The following SPACA1 variants were observed in gnomAD, a reference collection of about 807,000 sequenced individuals.
The protein encoded by SPACA1 is sperm acrosome membrane-associated protein 1.
Under a neutral mutation model 32.6 loss-of-function variants are expected in SPACA1, and 17 were observed. That is an observed-to-expected ratio of 0.52 (90% CI 0.36 to 0.78). SPACA1 has a LOEUF of 0.78. Among genes scored for constraint, SPACA1 ranks in the 30% least tolerant of loss-of-function variants. SPACA1 has a pLI of 0.01. For synonymous variants in SPACA1, 140 were observed against 138.1 expected (o/e 1.01, Z -0.10); for missense variants, 363 against 373.4 (o/e 0.97, Z 0.23).
At chr6:88,048,491 G>T (rs1160061852) in intron 1 of SPACA1, among the ~76,000 whole-genome samples, 1 of 151,376 alleles carries the variant, frequency 6.6e-6, no homozygotes, top group Non-Finnish European at 1.5e-5. Flanking sequence ...GTTCCAAGTT[G>T]CTTGATTTCC....
intron 1 of SPACA1, among the ~76,000 whole-genome samples, chr6:88,052,355 C>T (rs546182673): frequency 3.2e-4 from 48 of 152,156 alleles, no homozygotes; most frequent in African/African-American, 8.4e-4. Context: ...TTCTCTTAGC[C>T]GTGTTTTCTA....
At chr6:88,058,458 GA>G (rs1775842312) in intron 3 of SPACA1, among the ~76,000 whole-genome samples, 1 of 152,086 alleles carries the variant, frequency 6.6e-6, no homozygotes, top group African/African-American at 2.4e-5. Context: ...GCAACATGGT[GA>G]AACCTCCATC....
intron 2 of SPACA1, 130 bp downstream of exon 2, chr6:88,054,132 C>A (rs2127799051): frequency 3.0e-6 from 2 of 663,498 alleles, no homozygotes; most frequent in South Asian, 2.4e-5. Flanking sequence ...TTTCTAATAA[C>A]TATAATGTAT....
Position 88,064,171 on chromosome 6 carries a change from T to C in SPACA1, c.683T>C (p.Ile228Thr), listed in dbSNP as rs754716463. Residue 228 changes from isoleucine to threonine, a missense_variant, in exon 6 of 7, where the codon ATT (isoleucine) becomes ACT (threonine). Transcript: ENST00000237201. ...ALIFVLTIGV[I>T]ICVFIIFLLI... ...ATTTTTGTGCTGACCATAGGAGTCATTATCTGTGTATTTATAATTTTCTTA... is the reference window on the plus strand; with the variant it reads ...ATTTTTGTGCTGACCATAGGAGTCACTATCTGTGTATTTATAATTTTCTTA... 5.1e-5 allele frequency: 83 copies of C among 1,613,044 alleles called. No homozygotes were observed. The highest frequency in any genetic ancestry group is 2.7e-4 in the South Asian group (25 of 90,956).
intron 2 of SPACA1, 144 bp from the exon 3 acceptor site, chr6:88,057,468 T>A (rs1038063461): frequency 3.6e-6 from 2 of 555,258 alleles, no homozygotes; most frequent in Non-Finnish European, 3.2e-6. Context: ...GCCAAAAAAA[T>A]TTTAAGTGTT....
intron 1 of SPACA1, 23 bp from the exon 2 acceptor site, chr6:88,053,923 G>C: frequency 1.2e-6 from 2 of 1,602,228 alleles, no homozygotes; most frequent in East Asian, 2.2e-5. Context: ...ATTAAATAAT[G>C]TATCTTTACC....
intron 4 of SPACA1, among the ~76,000 whole-genome samples, chr6:88,059,139 G>T (rs929249172): frequency 6.6e-6 from 1 of 152,148 alleles, no homozygotes; most frequent in Non-Finnish European, 1.5e-5. Flanking sequence ...TTAATTAAGG[G>T]TTTATTAAGT....
upstream of SPACA1, chr6:88,047,814 T>C (rs1321457254): frequency 2.4e-6 from 3 of 1,274,496 alleles, no homozygotes; most frequent in South Asian, 1.5e-5. Context: ...GCCGGGCGGC[T>C]ACGGGCGGGG....
chr6:88,047,282 T>G (rs1362933214), upstream of SPACA1, among the ~76,000 whole-genome samples: 2 of 152,198 alleles, frequency 1.3e-5, no homozygotes, highest in Admixed American at 1.3e-4. Flanking sequence ...CTTAATCTCT[T>G]CACTTAAAAA....
At chr6:88,056,251 G>A (rs1775805448) in intron 2 of SPACA1, among the ~76,000 whole-genome samples, 1 of 152,086 alleles carries the variant, frequency 6.6e-6, no homozygotes, top group African/African-American at 2.4e-5. Flanking sequence ...CTATTCAGGA[G>A]GCTGAGGCAG....
chr6:88,065,195 A>G (rs1252750926), intron 6 of SPACA1, among the ~76,000 whole-genome samples: 1 of 148,806 alleles, frequency 6.7e-6, no homozygotes, highest in African/African-American at 2.4e-5. Flanking sequence ...TTATGTATAT[A>G]CATACATATA....
chr6:88,054,732 G>A (rs577338211), intron 2 of SPACA1, among the ~76,000 whole-genome samples: 6 of 152,302 alleles, frequency 3.9e-5, no homozygotes, highest in African/African-American at 1.4e-4. Context: ...TTCAGATCTA[G>A]ATCAGAATGA....
At position 88,064,111 on chromosome 6, in the gene SPACA1, G is replaced by C. The variant is rs977932327; in HGVS notation, c.623G>C (p.Arg208Thr). Reference sequence around the variant, plus strand: ...GTGTTTTCTCTAGAATTGCAGATGAGAAGATCAAGCCTACCAGCCACTGAT... The same window carrying C: ...GTGTTTTCTCTAGAATTGCAGATGACAAGATCAAGCCTACCAGCCACTGAT... ...TVYTSSELQMRRSSLPATDAA... is the reference protein window; with the variant it reads ...TVYTSSELQMTRSSLPATDAA... The change falls in exon 6 of 7, where the codon AGA (arginine) becomes ACA (threonine). Residue 208 changes from arginine to threonine, a missense_variant. Physicochemically the swap from Arg to Thr is moderately conservative, Grantham distance 71. Coordinates refer to ENST00000237201, the MANE Select transcript of SPACA1 (RefSeq NM_030960.3). 34 of 1,612,926 alleles carry C rather than the reference G, an allele frequency of 2.1e-5. No individual in the cohort carries two copies. The highest frequency in any genetic ancestry group is 2.9e-5 in the Non-Finnish European group (34 of 1,179,478).
At chr6:88,047,675 G>T, upstream of SPACA1, 1 of 510,804 alleles carries the variant, frequency 2.0e-6, no homozygotes, top group South Asian at 3.2e-5. Context: ...GGGACTTGTC[G>T]CACGCGGCTT....
intron 5 of SPACA1, among the ~76,000 whole-genome samples, chr6:88,063,344 T>C (rs1651709610): frequency 1.3e-5 from 2 of 152,126 alleles, no homozygotes; most frequent in Non-Finnish European, 1.5e-5. Flanking sequence ...AGTAAACAAA[T>C]TGTGGAGTAT....
chr6:88,061,096 A>C (rs1271928942), intron 5 of SPACA1, among the ~76,000 whole-genome samples: 1 of 152,244 alleles, frequency 6.6e-6, no homozygotes, highest in African/African-American at 2.4e-5. Flanking sequence ...ATTAGAAATC[A>C]AACAAATGTT....
chr6:88,058,966 A>T, intron 4 of SPACA1, 144 bp downstream of exon 4: 1 of 563,008 alleles, frequency 1.8e-6, no homozygotes, highest in Non-Finnish European at 3.0e-6. Context: ...TTATTTTGGA[A>T]TTTTAAAATT....
At chr6:88,057,762 T>C (rs756688735) in intron 3 of SPACA1, 49 bp downstream of exon 3, 1 of 1,528,960 alleles carries the variant, frequency 6.5e-7, no homozygotes. Context: ...GAGTTTACTC[T>C]GGGGAAATAT....
chr6:88,061,150 A>G (rs1775891292), intron 5 of SPACA1, among the ~76,000 whole-genome samples: 1 of 152,236 alleles, frequency 6.6e-6, no homozygotes, highest in South Asian at 2.1e-4. Flanking sequence ...CATGAAACAA[A>G]TATGTAATTG....
Sources: gnomAD v4.1 joint callset for allele counts (sites outside exome capture counted in the v4.1 genomes callset) on GRCh38, gnomAD v4.1.1 for gene constraint, MANE v1.5 for transcripts, NCBI Gene and HGNC (gene_info 2026-07-23, HGNC 2026-07-21) for gene names.